Variants in FANCA observed in about 807,000 individuals in gnomAD.
The protein encoded by FANCA is Fanconi anemia group A protein.
FANCA carries 236 observed loss-of-function variants against 194.3 expected under a neutral mutation model. That is an observed-to-expected ratio of 1.21 (90% CI 1.09 to 1.35). FANCA has a LOEUF of 1.35. Among genes scored for constraint, FANCA ranks in the 40% most tolerant of loss-of-function variants. The pLI is 0.00. For synonymous variants in FANCA, 1,014 were observed against 715.8 expected (o/e 1.42, Z -6.65); for missense variants, 2,628 against 1,813.9 (o/e 1.45, Z -8.15).
intron 22 of FANCA, 115 bp downstream of exon 22, chr16:89,773,156 G>A: frequency 1.2e-6 from 1 of 825,080 alleles, no homozygotes; most frequent in Non-Finnish European, 2.0e-6. Context: ...TAAACTACTG[G>A]ACTACTAGGA....
At chr16:89,750,187 A>AT (rs2038535529) in intron 31 of FANCA, among the ~76,000 whole-genome samples, 1 of 152,118 alleles carries the variant, frequency 6.6e-6, no homozygotes, top group African/African-American at 2.4e-5. Context: ...CTACTTATCA[A>AT]TTAAGAAAAA....
rs2062195535 is a variant in FANCA at position 89,744,226 on chromosome 16, G to C, written c.3626+733C>G. 2.0e-5 allele frequency among the ~76,000 whole-genome samples: 3 copies of C among 152,324 alleles called. No homozygotes were observed. In the South Asian group the frequency reaches 6.2e-4, roughly 32 times the overall value. The stretch of plus-strand genomic sequence containing the variant: ...CTCTTCTTTCAGCAGACGGCGAGCA[G>C]CCAAACCCTGAGGGGACCCGGTGTG... On this transcript the variant is annotated intron_variant, in intron 36 of 42. Coordinates refer to ENST00000389301, the MANE Select transcript of FANCA (RefSeq NM_000135.4).
At chr16:89,742,123 C>T (rs531506168) in intron 37 of FANCA, among the ~76,000 whole-genome samples, 134 of 152,080 alleles carry the variant, frequency 8.8e-4, no homozygotes, top group African/African-American at 3.1e-3. Context: ...ATTGTAGGTG[C>T]GCACCACCAC....
At chr16:89,739,739 C>A (rs1282075167) in intron 39 of FANCA, 186 bp from the exon 40 acceptor site, 1 of 1,492,588 alleles carries the variant, frequency 6.7e-7, no homozygotes, top group Non-Finnish European at 8.9e-7. Context: ...GGGGGGTCGA[C>A]CTCTTGCAGG....
chr16:89,792,389 G>A (rs1057036680), intron 12 of FANCA, 82 bp downstream of exon 12: 2 of 1,430,112 alleles, frequency 1.4e-6, no homozygotes, highest in South Asian at 1.2e-5. Context: ...GCCGTCCACG[G>A]CAGGCAGCAT....
At chr16:89,780,096 G>A (rs2039649600) in intron 17 of FANCA, 139 bp from the exon 18 acceptor site, 17 of 773,278 alleles carry the variant, frequency 2.2e-5, no homozygotes, top group East Asian at 5.4e-5. Context: ...CATGCTGTGC[G>A]CACAGCAGGG....
At position 89,759,772 on chromosome 16, in the gene FANCA, C is replaced by T. The variant is rs1267051836; in HGVS notation, c.2853-1067G>A. 3.3e-5 allele frequency among the ~76,000 whole-genome samples: 5 copies of T among 152,302 alleles called. 1 individual carries two copies. In the East Asian group the frequency reaches 7.7e-4, roughly 23 times the overall value. Reference sequence around the variant, plus strand: ...TGAGACCCTGTCTCAAACAAACAAACAAATCCGCAGTGCACAGAACCATCA... The same window carrying T: ...TGAGACCCTGTCTCAAACAAACAAATAAATCCGCAGTGCACAGAACCATCA... On this transcript the variant is annotated intron_variant, in intron 29 of 42. Transcript: ENST00000389301.
intron 10 of FANCA, among the ~76,000 whole-genome samples, chr16:89,798,105 G>T (rs1309998472): frequency 6.6e-6 from 1 of 152,128 alleles, no homozygotes; most frequent in African/African-American, 2.4e-5. Flanking sequence ...TGATAAGGCT[G>T]AGGTGATGAT....
chr16:89,803,427 G>A, intron 7 of FANCA, 86 bp from the exon 8 acceptor site: 1 of 1,270,876 alleles, frequency 7.9e-7, no homozygotes, highest in Non-Finnish European at 1.1e-6. Context: ...CTTCAGAGGG[G>A]CGGGTGAGCA....
At chr16:89,811,145 A>G (rs2040863989) in intron 3 of FANCA, 74 bp from the exon 4 acceptor site, 1 of 1,596,562 alleles carries the variant, frequency 6.3e-7, no homozygotes, top group African/African-American at 1.3e-5. Flanking sequence ...CTTGCTGTTT[A>G]AAATGCCTTA....
rs1432760258 is a variant in FANCA, at chr16:89,758,715, C to A, written c.2853-10G>T. Reference sequence around the variant, plus strand: ...CTGGTGGAAGTCCTGCCTAGAACAGCAAACACTGCTATCAATTCTGAGAAA... The same window carrying A: ...CTGGTGGAAGTCCTGCCTAGAACAGAAAACACTGCTATCAATTCTGAGAAA... On this transcript the variant is annotated splice_polypyrimidine_tract_variant and intron_variant, in intron 29 of 42. Transcript: ENST00000389301. The A allele has an allele frequency of 1.2e-6, 2 of 1,613,190 alleles. No individual in the cohort carries two copies. Among genetic ancestry groups the A allele is most frequent in the Non-Finnish European group, 1.7e-6 (2 of 1,179,328 alleles).
intron 20 of FANCA, among the ~76,000 whole-genome samples, chr16:89,776,160 T>TG (rs200136739): frequency 1.5e-5 from 1 of 67,576 alleles, no homozygotes; most frequent in South Asian, 6.9e-4. Flanking sequence ...TTTGTTTTTC[T>TG]TTTTTTTTTT....
Position 89,782,875 on chromosome 16 carries a change from G to T in FANCA, c.1610C>A (p.Ala537Asp), listed in dbSNP as rs763908621. The T allele has an allele frequency of 1.9e-6, 3 of 1,614,072 alleles. No homozygotes were observed. Among genetic ancestry groups the T allele is most frequent in the East Asian group, 2.2e-5 (1 of 44,888 alleles). Residue 537 changes from alanine (A) to aspartate (D), a missense_variant, in exon 17 of 43, where the codon GCT becomes GAT. By Grantham distance (126) the Ala-to-Asp change is moderately radical. Coordinates refer to ENST00000389301, the MANE Select transcript of FANCA (RefSeq NM_000135.4). ...CAACATTACCTCAGTAATGTCCCCA[G>T]CTGATGACAAATCCTCGTAGAGTCC... ...NMGLYEDLSS[A>D]GDITEPHSQA...
intron 5 of FANCA, among the ~76,000 whole-genome samples, chr16:89,808,695 G>A (rs1161298392): frequency 6.6e-6 from 1 of 152,146 alleles, no homozygotes; most frequent in African/African-American, 2.4e-5. Flanking sequence ...TGACATGACA[G>A]TCTCTCCTTC....
chr16:89,778,500 G>T, intron 20 of FANCA: 1 of 365,968 alleles, frequency 2.7e-6, no homozygotes, highest in Non-Finnish European at 5.0e-6. Flanking sequence ...GCCAGGCACA[G>T]GCTTGTAATC....
intron 38 of FANCA, 130 bp downstream of exon 38, chr16:89,740,674 C>T (rs2062109469): frequency 4.3e-6 from 3 of 702,412 alleles, no homozygotes; most frequent in Admixed American, 2.6e-5. Flanking sequence ...TGGGAGTTCT[C>T]ACTCACACTT....
chr16:89,792,234 A>G (rs577698831), intron 12 of FANCA, among the ~76,000 whole-genome samples, 166 bp from the exon 13 acceptor site: 2 of 152,238 alleles, frequency 1.3e-5, no homozygotes, highest in East Asian at 1.9e-4. Context: ...CTCCCCTCAC[A>G]GTGGCCAGCA....
intron 5 of FANCA, 49 bp from the exon 6 acceptor site, chr16:89,808,416 G>C (rs778042094): frequency 3.8e-6 from 6 of 1,568,110 alleles, no homozygotes; most frequent in Non-Finnish European, 5.3e-6. Flanking sequence ...AAAACCCCCA[G>C]CATTCTGAGT....
rs780035612 is a variant in FANCA at position 89,810,994 on chromosome 16, C to T, written c.361G>A (p.Val121Met). 36 of 1,613,942 alleles carry T rather than the reference C, an allele frequency of 2.2e-5. No individual in the cohort carries two copies. In the South Asian group the frequency reaches 2.9e-4, roughly 13 times the overall value. Residue 121 changes from valine to methionine, a missense_variant, in exon 4 of 43, where the codon GTG (valine) becomes ATG (methionine). Transcript: ENST00000389301. ...ILSAGMVASS[V>M]GQICTAPAET... ...GCTGGAGCCGTGCAGATCTGTCCCACGCTAGAGGCAACCATCCCGGCTGAG... is the reference window on the plus strand; with the variant it reads ...GCTGGAGCCGTGCAGATCTGTCCCATGCTAGAGGCAACCATCCCGGCTGAG...
Sources: allele counts gnomAD v4.1 joint callset (sites outside exome capture counted in the v4.1 genomes callset), GRCh38; gene constraint gnomAD v4.1.1; transcripts MANE v1.5; gene names NCBI Gene and HGNC (gene_info 2026-07-23, HGNC 2026-07-21).